Variants in RBFOX1 observed in about 807,000 individuals in gnomAD.
The protein encoded by RBFOX1 is RNA binding fox-1 homolog 1.
Under a neutral mutation model 57.7 loss-of-function variants are expected in RBFOX1, and 8 were observed. The ratio of observed to expected loss-of-function variants is 0.14; its 90% confidence interval spans 0.08 to 0.25. The LOEUF is 0.25. Among genes scored for constraint, RBFOX1 ranks in the 10% least tolerant of loss-of-function variants. The probability of loss-of-function intolerance (pLI) is 1.00; values close to 1 mark genes in which losing one functional copy is unlikely to be tolerated. For missense variants in RBFOX1, 611 were observed against 548.5 expected, an observed-to-expected ratio of 1.11 and a Z score of -1.14; for synonymous variants, 326 against 222.4, an observed-to-expected ratio of 1.47 and a Z score of -4.15.
intron 4 of RBFOX1, among the ~76,000 whole-genome samples, chr16:7,461,355 A>T (rs983428119): frequency 6.6e-6 from 1 of 152,112 alleles, no homozygotes; most frequent in Non-Finnish European, 1.5e-5. Context: ...TTTAGTGAAG[A>T]TGGGGTTTCA....
intron 3 of RBFOX1, among the ~76,000 whole-genome samples, chr16:6,936,918 C>T (rs1441025303): frequency 8.1e-6 from 1 of 123,130 alleles, no homozygotes; most frequent in East Asian, 2.4e-4. Flanking sequence ...TTCCTGTGTC[C>T]ATGTGATCTC....
intron 4 of RBFOX1, among the ~76,000 whole-genome samples, chr16:5,894,122 T>C (rs2058104864): frequency 6.6e-6 from 1 of 152,110 alleles, no homozygotes; most frequent in African/African-American, 2.4e-5. Flanking sequence ...GGGATGATTT[T>C]TTAAACATGC....
At chr16:5,819,369 A>G (rs534582772) in intron 3 of RBFOX1, among the ~76,000 whole-genome samples, 3 of 152,264 alleles carry the variant, frequency 2.0e-5, no homozygotes, top group Non-Finnish European at 4.4e-5. Flanking sequence ...AGGGGACACA[A>G]TTATTTAGAC....
chr16:7,061,576 A>C (rs1023978460), intron 4 of RBFOX1, among the ~76,000 whole-genome samples: 1 of 152,196 alleles, frequency 6.6e-6, no homozygotes, highest in Non-Finnish European at 1.5e-5. Context: ...AGACTCAAAA[A>C]AAAGTTCACA....
chr16:6,343,237 A>G (rs952281093), intron 2 of RBFOX1, among the ~76,000 whole-genome samples: 1 of 151,522 alleles, frequency 6.6e-6, no homozygotes, highest in Non-Finnish European at 1.5e-5. Flanking sequence ...TTCTTACTCT[A>G]CAGTCATTAT....
At chr16:6,265,477 G>C (rs1041041649) in intron 1 of RBFOX1, among the ~76,000 whole-genome samples, 1 of 152,090 alleles carries the variant, frequency 6.6e-6, no homozygotes, top group Admixed American at 6.5e-5. Flanking sequence ...GGCCAGGCTG[G>C]TCTCAAACTC....
At chr16:7,324,062 C>G (rs182119551) in intron 4 of RBFOX1, among the ~76,000 whole-genome samples, 1 of 152,050 alleles carries the variant, frequency 6.6e-6, no homozygotes, top group Non-Finnish European at 1.5e-5. Flanking sequence ...CAGGACTTCT[C>G]AGGTGCTTTT....
At chr16:6,870,007 C>A (rs541124834) in intron 3 of RBFOX1, among the ~76,000 whole-genome samples, 35 of 152,278 alleles carry the variant, frequency 2.3e-4, no homozygotes, top group African/African-American at 7.5e-4. Context: ...TACGTTGATG[C>A]TGTGAGATCT....
chr16:6,492,113 T>C (rs1346222913), intron 2 of RBFOX1, among the ~76,000 whole-genome samples: 2 of 106,336 alleles, frequency 1.9e-5, no homozygotes, highest in African/African-American at 6.7e-5. Context: ...AGCAAGTATA[T>C]GAAAGTGTGT....
At chr16:6,226,792 C>T (rs1044779546) in intron 1 of RBFOX1, among the ~76,000 whole-genome samples, 1 of 151,798 alleles carries the variant, frequency 6.6e-6, no homozygotes, top group Non-Finnish European at 1.5e-5. Flanking sequence ...TCATGTGTTT[C>T]CTGTGATAAT....
At chr16:6,989,172 A>G (rs1161192279) in intron 3 of RBFOX1, among the ~76,000 whole-genome samples, 1 of 152,180 alleles carries the variant, frequency 6.6e-6, no homozygotes, top group Non-Finnish European at 1.5e-5. Context: ...CTGGGATTTC[A>G]GGCCTGAGCC....
intron 3 of RBFOX1, among the ~76,000 whole-genome samples, chr16:7,030,383 G>A (rs1272365731): frequency 2.6e-5 from 4 of 152,162 alleles, no homozygotes; most frequent in African/African-American, 7.2e-5. Flanking sequence ...TAAAACAACA[G>A]AAGTTTATTC....
chr16:6,028,316 A>G (rs1198912207), intron 1 of RBFOX1, among the ~76,000 whole-genome samples: 1 of 152,088 alleles, frequency 6.6e-6, no homozygotes, highest in Non-Finnish European at 1.5e-5. Flanking sequence ...TCCTTTTCAC[A>G]GGTTAGAGAA....
chr16:6,868,411 A>T (rs1054072517), intron 3 of RBFOX1, among the ~76,000 whole-genome samples: 1 of 152,150 alleles, frequency 6.6e-6, no homozygotes, highest in Non-Finnish European at 1.5e-5. Context: ...TTAGTGTTCA[A>T]ATTGGTAAAG....
chr16:7,312,087 A>T (rs1174589084), intron 4 of RBFOX1, among the ~76,000 whole-genome samples: 1 of 152,210 alleles, frequency 6.6e-6, no homozygotes. Context: ...TTGATAAAGA[A>T]ATGAAGGAAG....
chr16:6,851,719 C>T (rs949730663), intron 3 of RBFOX1, among the ~76,000 whole-genome samples: 2 of 152,008 alleles, frequency 1.3e-5, no homozygotes, highest in African/African-American at 4.8e-5. Context: ...AGGACTTTGG[C>T]AAATTCAGAG....
intron 4 of RBFOX1, among the ~76,000 whole-genome samples, chr16:7,484,656 G>A (rs1455824497): frequency 6.6e-6 from 1 of 152,118 alleles, no homozygotes; most frequent in Non-Finnish European, 1.5e-5. Context: ...TAGAGACAAG[G>A]TTTCACCATG....
At chr16:5,694,096 C>G (rs575900838) in intron 3 of RBFOX1, among the ~76,000 whole-genome samples, 2 of 152,306 alleles carry the variant, frequency 1.3e-5, no homozygotes, top group South Asian at 4.1e-4. Flanking sequence ...GAAAGCCCAG[C>G]TGTGCTTGGC....
chr16:6,753,509 A>G (rs930235234), intron 3 of RBFOX1, among the ~76,000 whole-genome samples: 2 of 152,104 alleles, frequency 1.3e-5, no homozygotes, highest in African/African-American at 2.4e-5. Flanking sequence ...CATCTCCTAT[A>G]CCATGTCTCT....
Sources: allele counts gnomAD v4.1 joint callset (sites outside exome capture counted in the v4.1 genomes callset), GRCh38; gene constraint gnomAD v4.1.1; transcripts MANE v1.5; gene names NCBI Gene and HGNC (gene_info 2026-07-23, HGNC 2026-07-21).